The following MYZAP variants were observed in gnomAD, a reference collection of about 807,000 sequenced individuals.
MYZAP encodes GRINL1A complex locus upstream.
Under a neutral mutation model 69.4 loss-of-function variants are expected in MYZAP, and 66 were observed. That is an observed-to-expected ratio of 0.95 (90% CI 0.78 to 1.17). The LOEUF is 1.17. MYZAP is among the 50% of genes most tolerant of loss of function. The pLI, the probability that MYZAP is intolerant of heterozygous loss-of-function variation, is 0.00. For synonymous variants in MYZAP, 256 were observed against 205.9 expected (o/e 1.24, Z -2.09); for missense variants, 611 against 556.2 (o/e 1.10, Z -0.99).
At position 57,671,218 on chromosome 15, in the gene MYZAP, A is replaced by G. The variant is rs540735224; in HGVS notation, c.1204-3750A>G. ...ATATAGAGCTCTAAGTTGCCGGTTT[A>G]TTTCTCTTGGTACTCATTGTTTCTG... On this transcript the variant is annotated intron_variant, in intron 11 of 12. Coordinates refer to ENST00000267853, the MANE Select transcript of MYZAP (RefSeq NM_001018100.5). Among the ~76,000 whole-genome samples, 37 of 152,090 alleles carry G rather than the reference A, an allele frequency of 2.4e-4. No homozygotes were observed. In the South Asian group the frequency reaches 7.1e-3, roughly 29 times the overall value.
intron 3 of MYZAP, among the ~76,000 whole-genome samples, chr15:57,621,390 T>C (rs1374025193): frequency 6.6e-6 from 1 of 151,960 alleles, no homozygotes; most frequent in African/African-American, 2.4e-5. Context: ...ATTTTTGTAT[T>C]TTTAGTAGAG....
At chr15:57,636,571 A>G (rs894037780) in intron 8 of MYZAP, among the ~76,000 whole-genome samples, 1 of 152,206 alleles carries the variant, frequency 6.6e-6, no homozygotes, top group East Asian at 1.9e-4. Context: ...GTTCTTAGAG[A>G]AGGACCTAAA....
intron 10 of MYZAP, among the ~76,000 whole-genome samples, chr15:57,640,002 T>G (rs2037056684): frequency 6.6e-6 from 1 of 152,156 alleles, no homozygotes; most frequent in Non-Finnish European, 1.5e-5. Context: ...CTTGTCTGTT[T>G]CTCTCTTTTT....
chr15:57,668,890 A>AT (rs1315272391), intron 11 of MYZAP, among the ~76,000 whole-genome samples: 173 of 111,694 alleles, frequency 1.5e-3, no homozygotes, highest in African/African-American at 7.6e-3. Flanking sequence ...ATATATATAT[A>AT]TATATTTTTT....
At chr15:57,675,090 T>G (rs201526604) in intron 12 of MYZAP, 22 bp downstream of exon 12, 1 of 1,582,722 alleles carries the variant, frequency 6.3e-7, no homozygotes, top group Non-Finnish European at 8.6e-7. Context: ...TTTCCTGATT[T>G]TTTTTTTTAT....
chr15:57,626,500 CAA>C (rs1410072135), intron 5 of MYZAP, among the ~76,000 whole-genome samples: 2 of 152,320 alleles, frequency 1.3e-5, no homozygotes, highest in East Asian at 3.9e-4. Flanking sequence ...GCTAACCCTT[CAA>C]GTGCTTCCCA....
At position 57,618,136 on chromosome 15, in the gene MYZAP, T is replaced by C. The variant is rs1790303162; in HGVS notation, c.266T>C (p.Val89Ala). 3 of 1,614,008 alleles carry C rather than the reference T, an allele frequency of 1.9e-6. No individual in the cohort carries two copies. Among genetic ancestry groups the C allele is most frequent in the East Asian group, 2.2e-5 (1 of 44,898 alleles). ...CAAAATCAGCAGAAAGAAATGGTGG[T>C]GTATGGGTGGTCCACCAGTCAGCTG... The part of the protein sequence containing the change: ...SDQNQQKEMV[V>A]YGWSTSQLKE... The change falls in exon 3 of 13, where the codon GTG becomes GCG. Residue 89 changes from valine to alanine, a missense_variant. By Grantham distance (64) the Val-to-Ala change is moderately conservative. Coordinates refer to ENST00000267853, the MANE Select transcript of MYZAP (RefSeq NM_001018100.5).
intron 2 of MYZAP, among the ~76,000 whole-genome samples, chr15:57,617,514 A>G (rs1354670784): frequency 6.6e-6 from 1 of 152,164 alleles, no homozygotes; most frequent in African/African-American, 2.4e-5. Context: ...GAAATATTTC[A>G]TGAATGGTCA....
chr15:57,618,133 T>G lies in MYZAP; in HGVS notation c.263T>G (p.Val88Gly). Residue 88 changes from valine to glycine, a missense_variant, in exon 3 of 13, where the codon GTG becomes GGG. Coordinates refer to ENST00000267853, the MANE Select transcript of MYZAP (RefSeq NM_001018100.5). ...GATCAAAATCAGCAGAAAGAAATGG[T>G]GGTGTATGGGTGGTCCACCAGTCAG... is the stretch of plus-strand genomic sequence containing the variant. Reference protein sequence around the residue: ...RSDQNQQKEMVVYGWSTSQLK... With the variant: ...RSDQNQQKEMGVYGWSTSQLK... 1.2e-6 allele frequency: 2 copies of G among 1,614,156 alleles called. No individual in the cohort carries two copies. Among genetic ancestry groups the G allele is most frequent in the Non-Finnish European group, 1.7e-6 (2 of 1,180,024 alleles).
At chr15:57,603,882 C>G (rs557249606) in intron 1 of MYZAP, among the ~76,000 whole-genome samples, 2 of 152,284 alleles carry the variant, frequency 1.3e-5, no homozygotes, top group African/African-American at 4.8e-5. Context: ...AAGTAGAAAG[C>G]ACCCTCCCTT....
intron 12 of MYZAP, among the ~76,000 whole-genome samples, chr15:57,680,358 C>A (rs1259104937): frequency 6.6e-6 from 1 of 152,052 alleles, no homozygotes; most frequent in East Asian, 1.9e-4. Flanking sequence ...TCACTTTCTC[C>A]TCCTCAAATT....
intron 1 of MYZAP, among the ~76,000 whole-genome samples, chr15:57,603,265 C>T (rs941918862): frequency 1.3e-5 from 2 of 152,102 alleles, no homozygotes; most frequent in African/African-American, 4.8e-5. Flanking sequence ...TAAGCCTTTC[C>T]AGCTAACTGT....
chr15:57,633,126 G>A (rs1228714686), intron 7 of MYZAP, among the ~76,000 whole-genome samples: 1 of 152,174 alleles, frequency 6.6e-6, no homozygotes, highest in Non-Finnish European at 1.5e-5. Context: ...TCCTGAAGGC[G>A]GGGACTCCAT....
intron 5 of MYZAP, among the ~76,000 whole-genome samples, chr15:57,628,982 C>T (rs2036322999): frequency 6.6e-6 from 1 of 150,598 alleles, no homozygotes; most frequent in Non-Finnish European, 1.5e-5. Context: ...ACTCGGGAGG[C>T]TGAGGCAGGA....
rs780409476 is a variant in MYZAP at position 57,625,877 on chromosome 15, T to C, written c.510T>C (p.Asp170=). 7 of 1,614,150 alleles carry C rather than the reference T, an allele frequency of 4.3e-6. No individual in the cohort carries two copies. ...FNAMNSALAS[D]SIGLQKTLVD... The stretch of plus-strand genomic sequence containing the variant: ...CCATGAACTCAGCCTTGGCATCAGA[T>C]TCCATTGGCCTGCAGGTACTCATCT... The change falls in exon 5 of 13, where the codon GAT becomes GAC. Residue 170 remains aspartate (D), a synonymous_variant. Coordinates refer to ENST00000267853, the MANE Select transcript of MYZAP (RefSeq NM_001018100.5).
At chr15:57,683,161 T>C (rs1397422101) in intron 12 of MYZAP, among the ~76,000 whole-genome samples, 1 of 152,060 alleles carries the variant, frequency 6.6e-6, no homozygotes, top group Non-Finnish European at 1.5e-5. Flanking sequence ...AGATAACAAG[T>C]TGGGGAGCTG....
At chr15:57,653,219 A>T (rs957443872) in intron 10 of MYZAP, among the ~76,000 whole-genome samples, 3 of 152,252 alleles carry the variant, frequency 2.0e-5, no homozygotes, top group African/African-American at 7.2e-5. Context: ...AATGAAAATG[A>T]AATGAAAACA....
In MYZAP at chr15:57,661,837, C is replaced by T. The variant is rs577097411; in HGVS notation, c.1203+304C>T. On this transcript the variant is annotated intron_variant, in intron 11 of 12. Coordinates refer to ENST00000267853, the MANE Select transcript of MYZAP (RefSeq NM_001018100.5). ...GATAATTCCCCGCATTTGTCCAGTG[C>T]TTTATAATTTGTGAGATATGTTCAT... Among the ~76,000 whole-genome samples, 15 of 152,254 alleles carry T rather than the reference C, an allele frequency of 9.9e-5. 1 individual carries two copies. The highest frequency in any genetic ancestry group is 4.6e-4 in the Admixed American group (7 of 15,284).
rs1177903148 is a variant in MYZAP, at chr15:57,628,618, G to A, written c.526-1084G>A. Among the ~76,000 whole-genome samples, 4 of 152,178 alleles carry A rather than the reference G, an allele frequency of 2.6e-5. No individual in the cohort carries two copies. The South Asian group carries it at 6.2e-4, about 24-fold the overall frequency. On this transcript the variant is annotated intron_variant, in intron 5 of 12. Transcript: ENST00000267853. ...GAGCAAAAATTACTTGTGCGGCTTG[G>A]AGCAAAAATCACTTGTCTGCATTAC...
Sources: allele counts gnomAD v4.1 joint callset (sites outside exome capture counted in the v4.1 genomes callset), GRCh38; gene constraint gnomAD v4.1.1; transcripts MANE v1.5; gene names NCBI Gene and HGNC (gene_info 2026-07-23, HGNC 2026-07-21).